The following SIPA1L1 variants were observed in gnomAD, a reference collection of about 807,000 sequenced individuals.
SIPA1L1 encodes signal induced proliferation associated 1 like 1, also known as signal-induced proliferation-associated 1-like protein 1.
Under a neutral mutation model 162.7 loss-of-function variants are expected in SIPA1L1, and 26 were observed. The observed-to-expected ratio is 0.16, with a 90% CI of 0.12 to 0.22. The LOEUF (loss-of-function observed/expected upper bound fraction) is 0.22. Ranked by LOEUF, SIPA1L1 falls within the 10% of genes least tolerant of loss-of-function variation. The probability of loss-of-function intolerance (pLI) is 1.00; values close to 1 mark genes in which losing one functional copy is unlikely to be tolerated. For synonymous variants in SIPA1L1, 829 were observed against 837.4 expected, an observed-to-expected ratio of 0.99 and a Z score of 0.17; for missense variants, 1,874 against 2,241.0, an observed-to-expected ratio of 0.84 and a Z score of 3.31.
intron 2 of SIPA1L1, among the ~76,000 whole-genome samples, chr14:71,501,532 A>G (rs1348935746): frequency 6.6e-6 from 1 of 152,120 alleles, no homozygotes; most frequent in African/African-American, 2.4e-5. Flanking sequence ...GGCAGAACTA[A>G]TCTGTGGTGC....
At chr14:71,649,263 C>T (rs1399083846) in intron 7 of SIPA1L1, among the ~76,000 whole-genome samples, 2 of 147,160 alleles carry the variant, frequency 1.4e-5, no homozygotes, top group African/African-American at 5.1e-5. Flanking sequence ...ACAGTCATGA[C>T]TCACTGCAAC....
chr14:71,677,121 C>A (rs1186187712), intron 12 of SIPA1L1, among the ~76,000 whole-genome samples: 4 of 152,224 alleles, frequency 2.6e-5, no homozygotes, highest in African/African-American at 9.6e-5. Context: ...TTCTCCACAT[C>A]CTCTCCAGCA....
intron 2 of SIPA1L1, among the ~76,000 whole-genome samples, chr14:71,352,878 T>C (rs10148223): frequency 1.3e-5 from 2 of 152,242 alleles, no homozygotes; most frequent in African/African-American, 2.4e-5. Flanking sequence ...CATTTAACTT[T>C]AGCTGTTCCG....
intron 2 of SIPA1L1, among the ~76,000 whole-genome samples, chr14:71,482,412 C>G (rs973741220): frequency 6.6e-6 from 1 of 152,184 alleles, no homozygotes; most frequent in Non-Finnish European, 1.5e-5. Flanking sequence ...ATTACCCAAT[C>G]TCAACCAAGG....
chr14:71,551,668 C>T (rs138843705), intron 4 of SIPA1L1, among the ~76,000 whole-genome samples: 2 of 152,204 alleles, frequency 1.3e-5, no homozygotes, highest in Non-Finnish European at 2.9e-5. Context: ...TCATGTTGCT[C>T]TTAAAGTCCA....
At chr14:71,330,696 A>T in intron 2 of SIPA1L1, 1 of 879,450 alleles carries the variant, frequency 1.1e-6, no homozygotes, top group East Asian at 2.4e-5. Context: ...TCCATCCTGG[A>T]GGATTCTCAT....
chr14:71,364,043 G>A (rs917902257), intron 2 of SIPA1L1, among the ~76,000 whole-genome samples: 6 of 152,174 alleles, frequency 3.9e-5, no homozygotes, highest in Admixed American at 6.5e-5. Context: ...TGGGGACTCA[G>A]GAGAGTTTTT....
chr14:71,714,873 AGC>A (rs1293715646), intron 17 of SIPA1L1, among the ~76,000 whole-genome samples: 1 of 152,232 alleles, frequency 6.6e-6, no homozygotes, highest in African/African-American at 2.4e-5. Context: ...TGAGCCACTG[AGC>A]CTGGCCCACA....
intron 2 of SIPA1L1, among the ~76,000 whole-genome samples, chr14:71,395,481 C>T (rs2041107577): frequency 6.6e-6 from 1 of 152,096 alleles, no homozygotes; most frequent in Non-Finnish European, 1.5e-5. Flanking sequence ...GGCAACATAG[C>T]AAGACCCTGT....
chr14:71,544,914 G>T (rs1183957041), intron 4 of SIPA1L1, among the ~76,000 whole-genome samples: 1 of 152,110 alleles, frequency 6.6e-6, no homozygotes, highest in Non-Finnish European at 1.5e-5. Flanking sequence ...TTTTAGAGAT[G>T]TGCAGTGGCA....
At chr14:71,490,247 A>T (rs2049133832) in intron 2 of SIPA1L1, among the ~76,000 whole-genome samples, 1 of 152,194 alleles carries the variant, frequency 6.6e-6, no homozygotes, top group Non-Finnish European at 1.5e-5. Flanking sequence ...ATGATTTAAC[A>T]GTGTTACTTA....
chr14:71,501,187 G>A (rs973868584), intron 2 of SIPA1L1, among the ~76,000 whole-genome samples: 1 of 152,046 alleles, frequency 6.6e-6, no homozygotes, highest in Non-Finnish European at 1.5e-5. Flanking sequence ...TGGGTGCAGT[G>A]GTGTGCATCT....
At chr14:71,339,424 A>G (rs2035421573) in intron 2 of SIPA1L1, among the ~76,000 whole-genome samples, 1 of 148,658 alleles carries the variant, frequency 6.7e-6, no homozygotes, top group Non-Finnish European at 1.5e-5. Context: ...GTGCAGTGGC[A>G]TGATCTCGGC....
intron 5 of SIPA1L1, chr14:71,598,159 T>A (rs951479248): frequency 2.1e-6 from 2 of 965,316 alleles, no homozygotes; most frequent in African/African-American, 3.5e-5. Flanking sequence ...GGTCTGTGTG[T>A]GGTCATGGTG....
chr14:71,519,348 G>A (rs1419902992), intron 3 of SIPA1L1, among the ~76,000 whole-genome samples: 1 of 152,096 alleles, frequency 6.6e-6, no homozygotes, highest in East Asian at 1.9e-4. Flanking sequence ...GTAGATATAT[G>A]TGTAGATGTA....
At chr14:71,601,531 G>A (rs1245684322) in intron 5 of SIPA1L1, among the ~76,000 whole-genome samples, 1 of 152,100 alleles carries the variant, frequency 6.6e-6, no homozygotes, top group Non-Finnish European at 1.5e-5. Flanking sequence ...ATGTTCATGT[G>A]GAATACTGAC....
chr14:71,714,383 A>G (rs753070356), intron 17 of SIPA1L1, among the ~76,000 whole-genome samples: 2 of 152,226 alleles, frequency 1.3e-5, no homozygotes, highest in African/African-American at 2.4e-5. Context: ...CTATGAAGCA[A>G]CTAATCCATT....
intron 20 of SIPA1L1, among the ~76,000 whole-genome samples, chr14:71,730,986 T>G (rs1191844173): frequency 1.3e-5 from 2 of 152,138 alleles, no homozygotes; most frequent in Non-Finnish European, 2.9e-5. Flanking sequence ...ACACCTCCCC[T>G]CATAGCTGTG....
intron 2 of SIPA1L1, among the ~76,000 whole-genome samples, chr14:71,414,371 T>G (rs1789092363): frequency 6.6e-6 from 1 of 151,944 alleles, no homozygotes; most frequent in African/African-American, 2.4e-5. Flanking sequence ...AGGGCGAGAC[T>G]CCATCTCAGG....
Sources: allele counts gnomAD v4.1 joint callset (sites outside exome capture counted in the v4.1 genomes callset), GRCh38; gene constraint gnomAD v4.1.1; transcripts MANE v1.5; gene names NCBI Gene and HGNC (gene_info 2026-07-23, HGNC 2026-07-21).